The following RPS6KA2 variants were observed in gnomAD, a reference collection of about 807,000 sequenced individuals.
RPS6KA2 encodes the protein ribosomal protein S6 kinase A2.
In RPS6KA2, 42 loss-of-function variants were observed where a neutral mutation model predicts 91.8. The observed-to-expected ratio is 0.46, with a 90% CI of 0.36 to 0.59. The LOEUF is 0.59. Ranked by LOEUF, RPS6KA2 falls within the 20% of genes least tolerant of loss-of-function variation. The pLI, the probability that RPS6KA2 is intolerant of heterozygous loss-of-function variation, is 0.00. For missense variants in RPS6KA2, 798 were observed against 978.5 expected (o/e 0.82, Z 2.46); for synonymous variants, 414 against 393.6 (o/e 1.05, Z -0.61).
intron 2 of RPS6KA2, among the ~76,000 whole-genome samples, chr6:166,667,967 G>T (rs889433594): frequency 6.6e-6 from 1 of 152,208 alleles, no homozygotes; most frequent in African/African-American, 2.4e-5. Flanking sequence ...TGCCAGAGGG[G>T]AAGAGCACAG....
rs1034486590 is a variant in RPS6KA2 at position 166,445,250 on chromosome 6, G to A, written c.1332+3474C>T. Among the ~76,000 whole-genome samples the A allele has an allele frequency of 7.2e-5, 11 of 152,014 alleles. No homozygotes were observed. The highest frequency in any genetic ancestry group is 2.2e-4 in the African/African-American group (9 of 41,360). Reference sequence around the variant, plus strand: ...GTGGGGTGGGGGTGGGGGGCTGCCCGCAGCACGTGGGGAACACTGAGCTGT... The same window carrying A: ...GTGGGGTGGGGGTGGGGGGCTGCCCACAGCACGTGGGGAACACTGAGCTGT... On this transcript the variant is annotated intron_variant, in intron 14 of 20. Transcript: ENST00000265678. This position sits in a 1 kb window ranked among gnomAD's most constrained non-coding sequence, Gnocchi z 4.5.
intron 2 of RPS6KA2, among the ~76,000 whole-genome samples, chr6:166,744,016 G>A (rs1790901827): frequency 6.6e-6 from 1 of 152,152 alleles, no homozygotes; most frequent in Non-Finnish European, 1.5e-5. Flanking sequence ...CAACCACCGA[G>A]TGCAGTGCTG....
chr6:166,834,791 C>A (rs1334876519), intron 2 of RPS6KA2, among the ~76,000 whole-genome samples: 1 of 151,742 alleles, frequency 6.6e-6, no homozygotes, highest in Admixed American at 6.6e-5. Context: ...CTGACAGTGT[C>A]TTTTCAAGGA....
rs990963018 is a variant in RPS6KA2 at position 166,533,989 on chromosome 6, G to A, written c.217-2676C>T. ...TGTAATCCCAGCACTTTGGGAGGCCGAGGCGGGCGGATCACGAGGTCAGGA... is the reference window on the plus strand; with the variant it reads ...TGTAATCCCAGCACTTTGGGAGGCCAAGGCGGGCGGATCACGAGGTCAGGA... On this transcript the variant is annotated intron_variant, in intron 2 of 20. Transcript: ENST00000265678. The surrounding 1 kb of genome is among the most constrained non-coding windows in gnomAD (Gnocchi z 4.0). Among the ~76,000 whole-genome samples the A allele has an allele frequency of 8.5e-5, 13 of 152,092 alleles. No individual in the cohort carries two copies. Among genetic ancestry groups the A allele is most frequent in the Non-Finnish European group, 1.6e-4 (11 of 68,004 alleles).
Position 166,459,671 on chromosome 6 carries a change from G to T in RPS6KA2, c.973-120C>A, listed in dbSNP as rs1387804065. On this transcript the variant is annotated intron_variant, in intron 11 of 20. Transcript: ENST00000265678. The surrounding 1 kb of genome is among the most constrained non-coding windows in gnomAD (Gnocchi z 4.9). ...GATGTTCTTATCACAGACTGCATTG[G>T]CCTTGTGGATTACAAGGGATTTCTA... is the stretch of plus-strand genomic sequence containing the variant. The T allele has an allele frequency of 5.2e-5, 34 of 653,348 alleles. No individual in the cohort carries two copies. Among genetic ancestry groups the T allele is most frequent in the Non-Finnish European group, 8.6e-5 (32 of 370,920 alleles). 40.5% of individuals were successfully genotyped at this position (653,348 alleles called of 1,614,324 possible). A position where few individuals can be genotyped will look rare whatever the true frequency, so the allele number is the denominator to read the frequency against.
chr6:166,426,111 C>G (rs1023480775), intron 16 of RPS6KA2, among the ~76,000 whole-genome samples: 16 of 152,044 alleles, frequency 1.1e-4, no homozygotes, highest in African/African-American at 3.9e-4. Flanking sequence ...TCTCTCAGAC[C>G]ACAGTGCAAT....
At chr6:166,822,383 T>C (rs1033256965) in intron 2 of RPS6KA2, among the ~76,000 whole-genome samples, 1 of 152,182 alleles carries the variant, frequency 6.6e-6, no homozygotes, top group Non-Finnish European at 1.5e-5. Context: ...ACACCCTGGC[T>C]TTGCTTGCGC....
rs1230045270 is a variant in RPS6KA2 at position 166,648,651 on chromosome 6, C to T, written c.124-109867G>A. On this transcript the variant is annotated intron_variant, in intron 2 of 21. Transcript: ENST00000503859. The surrounding 1 kb of genome is among the most constrained non-coding windows in gnomAD (Gnocchi z 4.8). ...TTCTTAATCTGTTTCCAGCTCTGCC[C>T]TCTCTCACTAGCTGGAATCCCGTCT... Among the ~76,000 whole-genome samples the T allele has an allele frequency of 1.3e-5, 2 of 152,164 alleles. No homozygotes were observed. Among genetic ancestry groups the T allele is most frequent in the African/African-American group, 4.8e-5 (2 of 41,422 alleles).
chr6:166,663,420 A>G (rs1326631099), intron 2 of RPS6KA2, among the ~76,000 whole-genome samples: 1 of 152,168 alleles, frequency 6.6e-6, no homozygotes, highest in Non-Finnish European at 1.5e-5. Context: ...GCACCCTGAG[A>G]AAGCACAAAG....
At chr6:166,840,724 G>A (rs1007534746) in intron 2 of RPS6KA2, among the ~76,000 whole-genome samples, 1 of 152,196 alleles carries the variant, frequency 6.6e-6, no homozygotes, top group East Asian at 1.9e-4. Flanking sequence ...TGTAATCCCA[G>A]GCTTAGGCGG....
chr6:166,810,978 C>T (rs1385688965), intron 2 of RPS6KA2, among the ~76,000 whole-genome samples: 1 of 152,146 alleles, frequency 6.6e-6, no homozygotes, highest in Admixed American at 6.5e-5. Flanking sequence ...CAGGACTGGA[C>T]AGAGAAAGTA....
chr6:166,708,549 C>A (rs1789756289), intron 2 of RPS6KA2, among the ~76,000 whole-genome samples: 1 of 152,208 alleles, frequency 6.6e-6, no homozygotes, highest in African/African-American at 2.4e-5. Flanking sequence ...TTCTTCCTTG[C>A]AACTTCCATT....
chr6:166,713,159 C>T (rs1789915812), intron 2 of RPS6KA2, among the ~76,000 whole-genome samples: 2 of 152,308 alleles, frequency 1.3e-5, no homozygotes, highest in South Asian at 4.1e-4. Context: ...AGAGCTCTTC[C>T]CCATCCCCCG....
intron 2 of RPS6KA2, among the ~76,000 whole-genome samples, chr6:166,685,822 TC>T (rs1459017391): frequency 6.6e-6 from 1 of 152,170 alleles, no homozygotes; most frequent in Non-Finnish European, 1.5e-5. Context: ...GCTGCCTTGC[TC>T]CCCGGCTAAG....
chr6:166,505,650 C>T (rs995804293), intron 5 of RPS6KA2, among the ~76,000 whole-genome samples: 2 of 152,182 alleles, frequency 1.3e-5, no homozygotes, highest in African/African-American at 2.4e-5. Context: ...GGCGTCAGGC[C>T]GACAGCCGGG....
At chr6:166,607,849 G>A (rs917118939) in intron 1 of RPS6KA2, among the ~76,000 whole-genome samples, 1 of 152,238 alleles carries the variant, frequency 6.6e-6, no homozygotes, top group African/African-American at 2.4e-5. Context: ...TCTTCAGAAG[G>A]GACTTTCCTT....
chr6:166,504,688 G>A (rs1782136173), intron 5 of RPS6KA2, 76 bp from the exon 6 acceptor site: 1 of 1,063,450 alleles, frequency 9.4e-7, no homozygotes, highest in Admixed American at 2.0e-5. Flanking sequence ...AAAGAACTCT[G>A]CCAGAGAGAC....
At chr6:166,822,914 T>A (rs992181194) in intron 2 of RPS6KA2, among the ~76,000 whole-genome samples, 1 of 152,254 alleles carries the variant, frequency 6.6e-6, no homozygotes, top group Non-Finnish European at 1.5e-5. Context: ...AACTTTTTCT[T>A]GGTAGAATGA....
At chr6:166,545,575 T>TC (rs370812966) in intron 1 of RPS6KA2, among the ~76,000 whole-genome samples, 1 of 152,124 alleles carries the variant, frequency 6.6e-6, no homozygotes, top group African/African-American at 2.4e-5. Flanking sequence ...TCCTTTTTTT[T>TC]CTCTTTCTAT....
Sources: allele counts gnomAD v4.1 joint callset (sites outside exome capture counted in the v4.1 genomes callset), GRCh38; gene constraint gnomAD v4.1.1; non-coding constraint Gnocchi (gnomAD v3.1); transcripts MANE v1.5; gene names NCBI Gene and HGNC (gene_info 2026-07-23, HGNC 2026-07-21).